BACC1: variants seen among roughly 807,000 people sequenced by gnomAD.
BACC1 encodes the protein BPTF-associated chromatin complex component 1.
At chr17:7,017,078 A>C in the BACC1 span, 2 of 1,551,092 alleles carry the variant, frequency 1.3e-6, no homozygotes, top group Non-Finnish European at 1.8e-6. Flanking sequence ...CCTGGATGGC[A>C]GGGCACGGTC....
chr17:7,017,392 C>A, the BACC1 span: 1 of 1,444,484 alleles, frequency 6.9e-7, no homozygotes, highest in Non-Finnish European at 9.8e-7. Context: ...GCAAGGCCTG[C>A]ACGAGAGAGG....
the BACC1 span, chr17:7,015,393 A>G: frequency 1.5e-6 from 2 of 1,373,592 alleles, no homozygotes; most frequent in Non-Finnish European, 9.3e-7. Context: ...CGGGTCGACC[A>G]CAAACCACCG....
chr17:7,017,395 G>T, the BACC1 span: 2 of 1,430,564 alleles, frequency 1.4e-6, no homozygotes, highest in Admixed American at 3.4e-5. Flanking sequence ...AGGCCTGCAC[G>T]AGAGAGGGCT....
chr17:7,015,513 A>G, the BACC1 span: 1 of 1,409,234 alleles, frequency 7.1e-7, no homozygotes, highest in Non-Finnish European at 9.2e-7. Flanking sequence ...TGTGCTGTGT[A>G]CAGCAGCCGT....
the BACC1 span, chr17:7,014,807 G>A: frequency 6.6e-7 from 1 of 1,523,522 alleles, no homozygotes; most frequent in Non-Finnish European, 8.8e-7. The surrounding 1 kb of genome is among the most constrained non-coding windows in gnomAD (Gnocchi z 4.5). Context: ...CGTGGTCCCG[G>A]CTCGCGTGTA....
chr17:7,015,456 G>A, the BACC1 span: 1 of 1,374,258 alleles, frequency 7.3e-7, no homozygotes, highest in African/African-American at 1.5e-5. Flanking sequence ...TGCAGGCTGT[G>A]TTGGTGGGTC....
the BACC1 span, chr17:7,015,618 T>C: frequency 7.5e-7 from 1 of 1,335,018 alleles, no homozygotes; most frequent in East Asian, 2.5e-5. Flanking sequence ...CTCAAGAGCT[T>C]TCCGCCTCCC....
chr17:7,014,969 G>A, the BACC1 span: 71 of 1,437,306 alleles, frequency 4.9e-5, no homozygotes, highest in Middle Eastern at 2.2e-4. The surrounding 1 kb of genome is among the most constrained non-coding windows in gnomAD (Gnocchi z 4.5). Flanking sequence ...CGGGCGGGGG[G>A]CGGGCGGGAG....
At chr17:7,016,686 G>A in the BACC1 span, 2 of 1,609,676 alleles carry the variant, frequency 1.2e-6, no homozygotes, top group African/African-American at 2.7e-5. Context: ...CAGAAGGCTG[G>A]TGAGGGCTGT....
At chr17:7,015,414 C>A in the BACC1 span, 2 of 1,369,474 alleles carry the variant, frequency 1.5e-6, no homozygotes, top group African/African-American at 3.0e-5. Context: ...CCACTCCCAA[C>A]CACCCCAGTT....
the BACC1 span, chr17:7,015,440 G>A: frequency 7.3e-7 from 1 of 1,364,146 alleles, no homozygotes; most frequent in East Asian, 3.0e-5. Flanking sequence ...AATTCCCCCA[G>A]ACGGCTGCAG....
the BACC1 span, chr17:7,016,485 T>C: frequency 6.2e-7 from 1 of 1,611,506 alleles, no homozygotes; most frequent in Non-Finnish European, 8.5e-7. Flanking sequence ...CTCTTCTCTC[T>C]TTTCTTCAGG....
At chr17:7,015,687 G>A in the BACC1 span, 1 of 1,404,186 alleles carries the variant, frequency 7.1e-7, no homozygotes, top group Non-Finnish European at 9.9e-7. Context: ...GAAGGAGGCG[G>A]CTGGTTGGCT....
the BACC1 span, chr17:7,016,030 T>C: frequency 1.6e-6 from 1 of 631,818 alleles, no homozygotes; most frequent in South Asian, 2.0e-5. Context: ...AGAATAGAAT[T>C]GTCACAGTTG....
chr17:7,014,869 G>C, the BACC1 span: 2 of 1,538,388 alleles, frequency 1.3e-6, no homozygotes, highest in Non-Finnish European at 8.7e-7. The surrounding 1 kb of genome is among the most constrained non-coding windows in gnomAD (Gnocchi z 4.5). Flanking sequence ...TGACGTCAGC[G>C]TCCACAAAGG....
chr17:7,016,564 A>G, the BACC1 span: 10 of 1,613,984 alleles, frequency 6.2e-6, no homozygotes, highest in East Asian at 2.2e-5. Context: ...CAGCTGAGTC[A>G]CCCAAGAAAG....
chr17:7,015,511 G>C, the BACC1 span: 5 of 1,409,910 alleles, frequency 3.5e-6, no homozygotes, highest in African/African-American at 7.2e-5. Context: ...AGTGTGCTGT[G>C]TACAGCAGCC....
the BACC1 span, chr17:7,015,675 C>A: frequency 7.3e-6 from 10 of 1,367,548 alleles, no homozygotes; most frequent in Admixed American, 4.0e-5. Flanking sequence ...TCCCAGAAAT[C>A]GGAAGGAGGC....
the BACC1 span, chr17:7,017,152 G>C: frequency 6.4e-7 from 1 of 1,563,568 alleles, no homozygotes; most frequent in Non-Finnish European, 8.8e-7. Flanking sequence ...ACACAGCGCA[G>C]GGCATTGGAT....
Sources: allele counts gnomAD v4.1 joint callset, GRCh38; gene constraint gnomAD v4.1.1; non-coding constraint Gnocchi (gnomAD v3.1); transcripts MANE v1.5; gene names NCBI Gene and HGNC (gene_info 2026-07-23, HGNC 2026-07-21).